Variants in DNAH7 observed in about 807,000 individuals in gnomAD.
The protein encoded by DNAH7 is dynein axonemal heavy chain 7.
In DNAH7, 397 loss-of-function variants were observed where a neutral mutation model predicts 444.6. The observed-to-expected ratio is 0.89, with a 90% CI of 0.82 to 0.97. The LOEUF is 0.97. Among genes scored for constraint, DNAH7 ranks in the 50% least tolerant of loss-of-function variants. The pLI is 0.00. For missense variants in DNAH7, 4,902 were observed against 4,800.8 expected, an observed-to-expected ratio of 1.02 and a Z score of -0.62; for synonymous variants, 1,636 against 1,624.4, an observed-to-expected ratio of 1.01 and a Z score of -0.17.
chr2:196,061,034 G>A (rs772836816), intron 1 of DNAH7, among the ~76,000 whole-genome samples: 8 of 152,000 alleles, frequency 5.3e-5, no homozygotes, highest in South Asian at 2.1e-4. Context: ...TGTATAAATC[G>A]TAGAATGGCT....
intron 41 of DNAH7, among the ~76,000 whole-genome samples, chr2:195,863,323 G>C (rs1207738949): frequency 6.6e-6 from 1 of 152,174 alleles, no homozygotes; most frequent in African/African-American, 2.4e-5. Flanking sequence ...CCCACTCACG[G>C]GATCTCAGTC....
At chr2:195,915,103 G>A (rs1361754715) in intron 24 of DNAH7, among the ~76,000 whole-genome samples, 2 of 152,278 alleles carry the variant, frequency 1.3e-5, no homozygotes, top group East Asian at 3.9e-4. Flanking sequence ...GAGAAAAATA[G>A]GGCACAATCT....
intron 2 of DNAH7, among the ~76,000 whole-genome samples, chr2:196,052,715 A>G (rs16844338): frequency 0.025 from 3,821 of 152,336 alleles, 147 homozygotes; most frequent in African/African-American, 0.086. Context: ...TGTGGAGCAG[A>G]GTATTCTAAG....
chr2:195,992,057 G>A (rs535599748), intron 12 of DNAH7, among the ~76,000 whole-genome samples: 9 of 152,282 alleles, frequency 5.9e-5, no homozygotes, highest in Admixed American at 3.3e-4. Context: ...AACCTAGCCA[G>A]GTGAGTTGTC....
At chr2:195,936,475 T>C (rs1447836044) in intron 20 of DNAH7, 124 bp downstream of exon 20, 11 of 567,388 alleles carry the variant, frequency 1.9e-5, no homozygotes, top group East Asian at 1.7e-4. Flanking sequence ...ATATAATACT[T>C]GGAACATTCT....
chr2:195,778,088 C>A, intron 58 of DNAH7, 103 bp from the exon 59 acceptor site: 1 of 1,108,368 alleles, frequency 9.0e-7, no homozygotes, highest in Non-Finnish European at 1.2e-6. Flanking sequence ...ACAAAAAGTT[C>A]GCATTAACAC....
rs1697447913 is a variant in DNAH7 at position 196,051,263 on chromosome 2, A to G, written c.79-14T>C. 1.9e-6 allele frequency: 3 copies of G among 1,612,168 alleles called. No homozygotes were observed. In the East Asian group the frequency reaches 6.7e-5, roughly 36 times the overall value. On this transcript the variant is annotated splice_polypyrimidine_tract_variant and intron_variant, in intron 2 of 64. Transcript: ENST00000312428. ...GGCTAATTTCTCCTGTGTGAAAAAT[A>G]TGAAGGGGAAAAAAGTGTTTACTCT...
chr2:195,777,835 A>C lies in DNAH7; in HGVS notation c.11029T>G (p.Ser3677Ala). Reference sequence around the variant, plus strand: ...GGAGGAACAAAATAGATGCCACTTGAGTCGAACTTATAGTCTGAATTTTCA... The same window carrying C: ...GGAGGAACAAAATAGATGCCACTTGCGTCGAACTTATAGTCTGAATTTTCA... ...LVENSDYKFD[S>A]SGIYFVPPSG... The change falls in exon 59 of 65, where the codon TCA becomes GCA. Residue 3677 changes from serine to alanine, a missense_variant. Physicochemically the swap from Ser to Ala is moderately conservative, Grantham distance 99. Transcript: ENST00000312428. 2.5e-6 allele frequency: 4 copies of C among 1,613,914 alleles called. No homozygotes were observed. Among genetic ancestry groups the C allele is most frequent in the Non-Finnish European group, 3.4e-6 (4 of 1,179,796 alleles).
intron 19 of DNAH7, among the ~76,000 whole-genome samples, chr2:195,942,638 G>A (rs1689536227): frequency 6.6e-6 from 1 of 151,968 alleles, no homozygotes; most frequent in African/African-American, 2.4e-5. Flanking sequence ...TTTCTTCCCT[G>A]GACACTGAGA....
rs778309177 is a variant in DNAH7 at position 195,864,547 on chromosome 2, C to T, written c.7108G>A (p.Gly2370Arg). 9 of 1,614,116 alleles carry T rather than the reference C, an allele frequency of 5.6e-6. No homozygotes were observed. The highest frequency in any genetic ancestry group is 1.6e-4 in the Middle Eastern group (1 of 6,062). Residue 2370 changes from glycine to arginine, a missense_variant, in exon 41 of 65, where the codon GGG (glycine) becomes AGG (arginine). Transcript: ENST00000312428. ...YSVFQVEISK[G>R]YDTTEWHEDL... The stretch of plus-strand genomic sequence containing the variant: ...TCATGCCATTCAGTAGTATCATACC[C>T]CTTAGAGATTTCAACTTGGAAAACT...
rs200242651 is a variant in DNAH7, at chr2:196,012,805, T to C, written c.971A>G (p.Lys324Arg). The change falls in exon 10 of 65, where the codon AAA (lysine) becomes AGA (arginine). Residue 324 changes from lysine (K) to arginine (R), a missense_variant. Transcript: ENST00000312428. ...NIIMRHMDSA[K>R]ETLLKMWFPE... The stretch of plus-strand genomic sequence containing the variant: ...CCTTTACATTTTAAGTAGAGTCTCT[T>C]TGGCAGAGTCCATGTGTCTCATGAT... The C allele has an allele frequency of 1.5e-5, 24 of 1,599,230 alleles. No individual in the cohort carries two copies. Among genetic ancestry groups the C allele is most frequent in the Non-Finnish European group, 1.9e-5 (22 of 1,173,666 alleles).
chr2:195,792,490 C>T (rs1181270651), intron 57 of DNAH7, among the ~76,000 whole-genome samples: 1 of 138,976 alleles, frequency 7.2e-6, no homozygotes, highest in African/African-American at 2.7e-5. Context: ...TCATAAAAGA[C>T]AAAGAAAGAA....
chr2:196,062,658 T>C (rs1698194069), intron 1 of DNAH7, among the ~76,000 whole-genome samples: 1 of 152,256 alleles, frequency 6.6e-6, no homozygotes, highest in South Asian at 2.1e-4. Flanking sequence ...CTACAAGCAG[T>C]TGGGGACACT....
At chr2:195,982,755 GA>G (rs2125615813) in intron 15 of DNAH7, among the ~76,000 whole-genome samples, 1 of 152,262 alleles carries the variant, frequency 6.6e-6, no homozygotes, top group East Asian at 1.9e-4. Context: ...ACTTATTTGT[GA>G]TAGCTAAAAA....
intron 7 of DNAH7, among the ~76,000 whole-genome samples, chr2:196,025,400 A>G (rs1369014197): frequency 1.3e-5 from 2 of 152,148 alleles, no homozygotes; most frequent in African/African-American, 4.8e-5. Flanking sequence ...AATCTTTCAG[A>G]GACTCTCCTT....
At position 195,809,790 on chromosome 2, in the gene DNAH7, G is replaced by T; in HGVS notation, c.9843C>A (p.Leu3281=). The part of the protein sequence containing the change: ...CRSLFEKDKL[L]FSFCLTINLL... The stretch of plus-strand genomic sequence containing the variant: ...GATTTATGGTTAGACAAAAGGAAAA[G>T]AGCAGCTTATCCTTTTCAAAGAGTG... Residue 3281 remains leucine (L), a synonymous_variant, in exon 52 of 65, where the codon CTC becomes CTA. Transcript: ENST00000312428. 6.3e-7 allele frequency: 1 copy of T among 1,599,458 alleles called. No homozygotes were observed. The highest frequency in any genetic ancestry group is 1.1e-5 in the South Asian group (1 of 88,718).
intron 48 of DNAH7, among the ~76,000 whole-genome samples, chr2:195,828,767 AT>A (rs1245962790): frequency 6.6e-6 from 1 of 151,738 alleles, no homozygotes; most frequent in Non-Finnish European, 1.5e-5. Context: ...GACCTAAAAT[AT>A]TTTTCCACAA....
intron 40 of DNAH7, among the ~76,000 whole-genome samples, chr2:195,869,785 G>A (rs953616401): frequency 2.0e-5 from 3 of 152,166 alleles, no homozygotes; most frequent in Non-Finnish European, 4.4e-5. Flanking sequence ...AGATCCCATG[G>A]GCCACTGGAC....
At position 195,865,204 on chromosome 2, in the gene DNAH7, T is replaced by C. The variant is rs147126555; in HGVS notation, c.6634-183A>G. The stretch of plus-strand genomic sequence containing the variant: ...TTATTTTAAATGTTAATTTTAACTC[T>C]ATATTTAGAATAATAAGGTTATAGT... On this transcript the variant is annotated intron_variant, in intron 40 of 64. Transcript: ENST00000312428. 8.8e-3 allele frequency among the ~76,000 whole-genome samples: 1,334 copies of C among 152,340 alleles called. 15 individuals carry two copies. Among genetic ancestry groups the C allele is most frequent in the Non-Finnish European group, 0.012 (804 of 68,028 alleles).
Sources: allele counts gnomAD v4.1 joint callset (sites outside exome capture counted in the v4.1 genomes callset), GRCh38; gene constraint gnomAD v4.1.1; transcripts MANE v1.5; gene names NCBI Gene and HGNC (gene_info 2026-07-23, HGNC 2026-07-21).